ACADL: variants seen among roughly 807,000 people sequenced by gnomAD.
ACADL encodes the protein acyl-CoA dehydrogenase long chain, also known as long-chain specific acyl-CoA dehydrogenase, mitochondrial.
ACADL carries 60 observed loss-of-function variants against 56.9 expected under a neutral mutation model. That is an observed-to-expected ratio of 1.05 (90% confidence interval 0.86 to 1.31). The LOEUF (loss-of-function observed/expected upper bound fraction) is 1.31, where lower values mean the gene tolerates loss of function less well. Among genes scored for constraint, ACADL ranks in the 50% most tolerant of loss-of-function variants. The probability of loss-of-function intolerance (pLI) is 0.00; values close to 1 mark genes in which losing one functional copy is unlikely to be tolerated. For synonymous variants in ACADL, 158 were observed against 179.7 expected (o/e 0.88, Z 0.97); for missense variants, 484 against 525.5 (o/e 0.92, Z 0.77).
chr2:210,221,491 C>T (rs939294606), intron 1 of ACADL, among the ~76,000 whole-genome samples: 7 of 152,040 alleles, frequency 4.6e-5, no homozygotes, highest in Non-Finnish European at 1.0e-4. Flanking sequence ...AAAATCTATG[C>T]ATCATTTTGT....
At chr2:210,218,607 G>C (rs1038589453) in intron 2 of ACADL, 2 of 155,274 alleles carry the variant, frequency 1.3e-5, no homozygotes, top group African/African-American at 4.8e-5. Context: ...ATTTATATTT[G>C]CCATTGTCTT....
At chr2:210,214,529 G>GAAATAAAT (rs1559640019) in intron 4 of ACADL, among the ~76,000 whole-genome samples, 4 of 138,200 alleles carry the variant, frequency 2.9e-5, no homozygotes, top group African/African-American at 8.1e-5. Context: ...AAGAAAGAAA[G>GAAATAAAT]AAATCTGCTT....
At chr2:210,208,648 A>G (rs563569879) in intron 5 of ACADL, among the ~76,000 whole-genome samples, 5 of 152,338 alleles carry the variant, frequency 3.3e-5, no homozygotes, top group African/African-American at 4.8e-5. Flanking sequence ...CCATAAGTAC[A>G]TAATACAACT....
intron 8 of ACADL, among the ~76,000 whole-genome samples, chr2:210,198,800 A>G (rs1434143536): frequency 6.6e-6 from 1 of 152,144 alleles, no homozygotes; most frequent in African/African-American, 2.4e-5. Context: ...GCAGATAGGG[A>G]GCAGTCAAGC....
At chr2:210,200,421 C>T (rs1000448216) in intron 8 of ACADL, among the ~76,000 whole-genome samples, 2 of 152,118 alleles carry the variant, frequency 1.3e-5, no homozygotes, top group African/African-American at 4.8e-5. Context: ...CAAGTTATAC[C>T]TCCAGTCAAC....
Position 210,204,569 on chromosome 2 carries a change from AAC to A in ACADL, c.870+10_870+11del. The A allele has an allele frequency of 6.5e-7, 1 of 1,543,678 alleles. No individual in the cohort carries two copies. The highest frequency in any genetic ancestry group is 1.1e-5 in the South Asian group (1 of 89,534). The stretch of plus-strand genomic sequence containing the variant: ...ATTCAGTCAAAAGATGGAATCTTTA[AAC>A]ACTTCTGACCTGTGGAAGCTCTTTC... On this transcript the variant is annotated intron_variant, in intron 7 of 10. Coordinates refer to ENST00000233710, the MANE Select transcript of ACADL (RefSeq NM_001608.4).
chr2:210,213,366 G>A (rs1689020604), intron 4 of ACADL, among the ~76,000 whole-genome samples: 1 of 152,098 alleles, frequency 6.6e-6, no homozygotes, highest in African/African-American at 2.4e-5. Context: ...TGGGCATGGT[G>A]GCGGGCGCCT....
chr2:210,225,226 A>T lies in ACADL; in HGVS notation c.38T>A (p.Leu13Gln). ...CTGGCGCGGCGCACGGTGGCCGCCC[A>T]GGACGCGTAGGGACCCTCGGAGAAG... ...ARLLRGSLRV[L>Q]GGHRAPRQLP... The change falls in exon 1 of 11, where the codon CTG becomes CAG. Residue 13 changes from leucine to glutamine, a missense_variant. Physicochemically the swap from Leu to Gln is moderately radical, Grantham distance 113 (BLOSUM62 -2). Coordinates refer to ENST00000233710, the MANE Select transcript of ACADL (RefSeq NM_001608.4). 6.4e-7 allele frequency: 1 copy of T among 1,551,620 alleles called. No homozygotes were observed. The highest frequency in any genetic ancestry group is 1.2e-5 in the South Asian group (1 of 84,862).
chr2:210,216,580 T>A (rs768797553), intron 3 of ACADL, 69 bp from the exon 4 acceptor site: 35 of 1,402,612 alleles, frequency 2.5e-5, no homozygotes, highest in Non-Finnish European at 3.5e-5. Context: ...ATAACAACAA[T>A]GTATTAAGGT....
chr2:210,191,347 C>T (rs1365163803), intron 10 of ACADL, among the ~76,000 whole-genome samples: 3 of 152,162 alleles, frequency 2.0e-5, no homozygotes, highest in Admixed American at 6.5e-5. Context: ...ATAAGTCTCT[C>T]AAACTGAAAC....
intron 5 of ACADL, among the ~76,000 whole-genome samples, chr2:210,208,824 C>G (rs1509571): frequency 6.6e-6 from 1 of 152,286 alleles, no homozygotes; most frequent in African/African-American, 2.4e-5. Flanking sequence ...TCAGATGCAC[C>G]GTATTTGCTT....
intron 10 of ACADL, among the ~76,000 whole-genome samples, chr2:210,191,241 T>C (rs1376270637): frequency 6.6e-6 from 1 of 152,090 alleles, no homozygotes. Flanking sequence ...TTAGGCGATA[T>C]ATGGGAAGAG....
intron 8 of ACADL, among the ~76,000 whole-genome samples, chr2:210,202,175 C>G (rs779313265): frequency 3.9e-5 from 6 of 152,160 alleles, no homozygotes; most frequent in Non-Finnish European, 8.8e-5. Context: ...TCACTGCAAC[C>G]TCTACCTCCT....
intron 2 of ACADL, among the ~76,000 whole-genome samples, 195 bp downstream of exon 2, chr2:210,220,452 G>T (rs1288675524): frequency 6.6e-6 from 1 of 152,100 alleles, no homozygotes; most frequent in Non-Finnish European, 1.5e-5. Flanking sequence ...TCTTATTTGT[G>T]TATAGTACAT....
Position 210,204,564 on chromosome 2 carries a change from C to A in ACADL, c.870+17G>T. ...TCATTATTCAGTCAAAAGATGGAAT[C>A]TTTAAACACTTCTGACCTGTGGAAG... On this transcript the variant is annotated intron_variant, in intron 7 of 10. Transcript: ENST00000233710. 1.3e-6 allele frequency: 2 copies of A among 1,522,312 alleles called. No individual in the cohort carries two copies. Among genetic ancestry groups the A allele is most frequent in the Non-Finnish European group, 1.8e-6 (2 of 1,097,278 alleles). 94.3% of individuals were successfully genotyped at this position (1,522,312 alleles called of 1,614,324 possible).
intron 4 of ACADL, among the ~76,000 whole-genome samples, chr2:210,214,767 GCAGT>G (rs1188063742): frequency 1.3e-5 from 2 of 152,152 alleles, no homozygotes; most frequent in African/African-American, 2.4e-5. Context: ...CTGAATATTG[GCAGT>G]CAGTCAGGTA....
intron 1 of ACADL, 90 bp from the exon 2 acceptor site, chr2:210,220,892 C>T (rs1416281531): frequency 1.9e-5 from 21 of 1,087,162 alleles, no homozygotes. Context: ...GGATTTCTTT[C>T]ACAGAGAAAC....
At chr2:210,193,673 T>C (rs1688669656) in intron 9 of ACADL, among the ~76,000 whole-genome samples, 1 of 152,112 alleles carries the variant, frequency 6.6e-6, no homozygotes, top group African/African-American at 2.4e-5. Context: ...TTTTTGTTTG[T>C]GAGTCTGTTT....
chr2:210,195,185 C>T, intron 9 of ACADL, 26 bp downstream of exon 9: 1 of 1,613,616 alleles, frequency 6.2e-7, no homozygotes, highest in Non-Finnish European at 8.5e-7. Context: ...GCACACACCG[C>T]ACTCTAATTA....
Sources: allele counts gnomAD v4.1 joint callset (sites outside exome capture counted in the v4.1 genomes callset), GRCh38; gene constraint gnomAD v4.1.1; transcripts MANE v1.5; gene names NCBI Gene and HGNC (gene_info 2026-07-23, HGNC 2026-07-21).